The following TTYH2 variants were observed in gnomAD, a reference collection of about 807,000 sequenced individuals.
TTYH2 encodes tweety family member 2, also known as protein tweety homolog 2.
TTYH2 carries 49 observed loss-of-function variants against 68.3 expected under a neutral mutation model. The ratio of observed to expected loss-of-function variants is 0.72; its 90% confidence interval spans 0.57 to 0.91. The LOEUF is 0.91. Among genes scored for constraint, TTYH2 ranks in the 40% least tolerant of loss-of-function variants. TTYH2 has a pLI of 0.00. For missense variants in TTYH2, 631 were observed against 700.4 expected, an observed-to-expected ratio of 0.90 and a Z score of 1.12; for synonymous variants, 272 against 300.8, an observed-to-expected ratio of 0.90 and a Z score of 0.99.
At chr17:74,220,461 C>G (rs1358390551) in intron 1 of TTYH2, among the ~76,000 whole-genome samples, 1 of 152,148 alleles carries the variant, frequency 6.6e-6, no homozygotes, top group Non-Finnish European at 1.5e-5. Context: ...TAACAAGCTC[C>G]CAGAAGATGT....
intron 8 of TTYH2, among the ~76,000 whole-genome samples, 173 bp downstream of exon 8, chr17:74,249,572 G>T (rs918938244): frequency 6.6e-6 from 1 of 152,186 alleles, no homozygotes; most frequent in African/African-American, 2.4e-5. Flanking sequence ...TTCTAGATTG[G>T]TGGTTAACAC....
chr17:74,219,174 G>A (rs111343274), intron 1 of TTYH2, among the ~76,000 whole-genome samples: 4,650 of 145,372 alleles, frequency 0.032, 107 homozygotes, highest in Non-Finnish European at 0.045. Context: ...CCGAGATCAC[G>A]CTGCTGCACT....
Position 74,213,731 on chromosome 17 carries a change from C to T in TTYH2, c.129+15C>T. 2 of 1,606,004 alleles carry T rather than the reference C, an allele frequency of 1.2e-6. No homozygotes were observed. The highest frequency in any genetic ancestry group is 1.7e-6 in the Non-Finnish European group (2 of 1,175,908). The stretch of plus-strand genomic sequence containing the variant: ...GTTACCAGGAGGTAAGTTTACGCCG[C>T]CCCAGACCGCAGCCACGCGCGCCCC... On this transcript the variant is annotated intron_variant, in intron 1 of 13. Coordinates refer to ENST00000269346, the MANE Select transcript of TTYH2 (RefSeq NM_032646.6). The surrounding 1 kb of genome is among the most constrained non-coding windows in gnomAD (Gnocchi z 6.1).
rs747634678 is a variant in TTYH2, at chr17:74,237,395, G to A, written c.516G>A (p.Lys172=). The change falls in exon 4 of 14, where the codon AAG becomes AAA. Residue 172 remains lysine, a synonymous_variant. Coordinates refer to ENST00000269346, the MANE Select transcript of TTYH2 (RefSeq NM_032646.6). ...AARGDYLQTL[K]FIQQMAGSVV... ...GGGGCGATTACCTGCAGACCCTGAA[G>A]TTCATACAGCAGATGGCGGGCAGCG... 2 of 1,614,180 alleles carry A rather than the reference G, an allele frequency of 1.2e-6. No homozygotes were observed. Among genetic ancestry groups the A allele is most frequent in the South Asian group, 1.1e-5 (1 of 91,082 alleles).
chr17:74,227,614 A>G (rs1167461179), intron 2 of TTYH2, among the ~76,000 whole-genome samples: 1 of 152,196 alleles, frequency 6.6e-6, no homozygotes, highest in Non-Finnish European at 1.5e-5. Flanking sequence ...ATGATGGTGC[A>G]TTTAACTGGG....
chr17:74,248,791 T>C, intron 6 of TTYH2: 1 of 1,418,266 alleles, frequency 7.1e-7, no homozygotes. Context: ...ATGTCACAGA[T>C]GAGGCAACCG....
At chr17:74,244,684 G>C (rs993259335) in intron 6 of TTYH2, among the ~76,000 whole-genome samples, 6 of 152,202 alleles carry the variant, frequency 3.9e-5, no homozygotes, top group African/African-American at 1.4e-4. Flanking sequence ...GCATGAGGCT[G>C]TTCATTCACT....
intron 6 of TTYH2, chr17:74,248,763 A>C: frequency 7.2e-7 from 1 of 1,397,490 alleles, no homozygotes; most frequent in Non-Finnish European, 9.3e-7. Context: ...GCATTGGGTG[A>C]ATAGCATTAT....
rs946529614 is a variant in TTYH2 at position 74,215,580 on chromosome 17, C to G, written c.129+1864C>G. Reference sequence around the variant, plus strand: ...GGCCACTGCTCCTGGGCAGCTGACACCAGCCCTGCCCACTGGCTCCTGGTC... The same window carrying G: ...GGCCACTGCTCCTGGGCAGCTGACAGCAGCCCTGCCCACTGGCTCCTGGTC... On this transcript the variant is annotated intron_variant, in intron 1 of 13. Coordinates refer to ENST00000269346, the MANE Select transcript of TTYH2 (RefSeq NM_032646.6). This position sits in a 1 kb window ranked among gnomAD's most constrained non-coding sequence, Gnocchi z 4.3. The G allele has an allele frequency of 4.0e-6, 6 of 1,512,606 alleles. No individual in the cohort carries two copies. The Admixed American group carries it at 7.9e-5, about 20-fold the overall frequency. 93.7% of individuals were successfully genotyped at this position (1,512,606 alleles called of 1,614,324 possible).
At chr17:74,223,129 G>C (rs2050294344) in intron 2 of TTYH2, among the ~76,000 whole-genome samples, 1 of 152,082 alleles carries the variant, frequency 6.6e-6, no homozygotes, top group African/African-American at 2.4e-5. Flanking sequence ...TTATTTTAAA[G>C]ATGGGGTCTC....
At chr17:74,246,818 G>C (rs2050562830) in intron 6 of TTYH2, among the ~76,000 whole-genome samples, 1 of 152,166 alleles carries the variant, frequency 6.6e-6, no homozygotes, top group Non-Finnish European at 1.5e-5. Flanking sequence ...GCAAGGAGGA[G>C]CAAGTCACGT....
rs1233530187 is a variant in TTYH2 at position 74,253,118 on chromosome 17, T to C, written c.1297T>C (p.Phe433Leu). The stretch of plus-strand genomic sequence containing the variant: ...CGATGACATTGATGATGATGACCCC[T>C]TTAACCCCCAAGCCTGGCGCATGGC... The part of the protein sequence containing the change: ...DYDDIDDDDP[F>L]NPQAWRMAAH... The change falls in exon 12 of 14, where the codon TTT becomes CTT. Residue 433 changes from phenylalanine (F) to leucine (L), a missense_variant. Phe to Leu is a conservative substitution (Grantham distance 22, BLOSUM62 0). Transcript: ENST00000269346. The C allele has an allele frequency of 6.2e-7, 1 of 1,613,722 alleles. No individual in the cohort carries two copies. The highest frequency in any genetic ancestry group is 1.7e-5 in the Admixed American group (1 of 59,906).
chr17:74,229,601 AG>A (rs2143734437), intron 2 of TTYH2, among the ~76,000 whole-genome samples: 1 of 152,334 alleles, frequency 6.6e-6, no homozygotes, highest in African/African-American at 2.4e-5. Context: ...CAGAATTGCC[AG>A]AACTTGGAAG....
chr17:74,237,239 G>A (rs532562732), intron 3 of TTYH2, 55 bp from the exon 4 acceptor site: 20 of 1,575,890 alleles, frequency 1.3e-5, no homozygotes, highest in Middle Eastern at 1.7e-4. Flanking sequence ...GACCTCTTCC[G>A]GGATGAGAAT....
At chr17:74,219,266 G>A (rs1012447604) in intron 1 of TTYH2, among the ~76,000 whole-genome samples, 5 of 151,396 alleles carry the variant, frequency 3.3e-5, no homozygotes, top group Non-Finnish European at 5.9e-5. Flanking sequence ...GCACATGCCT[G>A]TAATCCCAGA....
At chr17:74,231,125 G>T in intron 3 of TTYH2, 126 bp downstream of exon 3, 1 of 863,292 alleles carries the variant, frequency 1.2e-6, no homozygotes, top group Non-Finnish European at 1.8e-6. Context: ...ACGCCTGAGG[G>T]CTGGACCCCC....
chr17:74,235,031 C>T (rs916175924), intron 3 of TTYH2, among the ~76,000 whole-genome samples: 11 of 152,238 alleles, frequency 7.2e-5, no homozygotes, highest in Admixed American at 2.0e-4. Context: ...AGAGTGTCTC[C>T]GTACTCTGGT....
chr17:74,243,972 C>G lies in TTYH2; in HGVS notation c.732-5C>G. 1 of 1,611,470 alleles carries G rather than the reference C, an allele frequency of 6.2e-7. No individual in the cohort carries two copies. Among genetic ancestry groups the G allele is most frequent in the Non-Finnish European group, 8.5e-7 (1 of 1,179,808 alleles). On this transcript the variant is annotated splice_polypyrimidine_tract_variant and splice_region_variant and intron_variant, in intron 5 of 13. Coordinates refer to ENST00000269346, the MANE Select transcript of TTYH2 (RefSeq NM_032646.6). ...TGCCAACGTTGTCGCCTGCCTCTCT[C>G]CTAGGATGCTGTGCTGTGGGGCACT... is the stretch of plus-strand genomic sequence containing the variant.
intron 13 of TTYH2, among the ~76,000 whole-genome samples, chr17:74,259,404 A>G (rs1156578863): frequency 6.6e-6 from 1 of 152,018 alleles, no homozygotes; most frequent in East Asian, 1.9e-4. Flanking sequence ...TGATAGAGAC[A>G]GGATTTTGCC....
Sources: gnomAD v4.1 joint callset for allele counts (sites outside exome capture counted in the v4.1 genomes callset) on GRCh38, gnomAD v4.1.1 for gene constraint, Gnocchi (gnomAD v3.1) non-coding constraint, MANE v1.5 for transcripts, NCBI Gene and HGNC (gene_info 2026-07-23, HGNC 2026-07-21) for gene names.